The following ACYP2 variants were observed in gnomAD, a reference collection of about 807,000 sequenced individuals.
The protein encoded by ACYP2 is acylphosphatase-2.
ACYP2 carries 12 observed loss-of-function variants against 11.2 expected under a neutral mutation model. The observed-to-expected ratio is 1.08, with a 90% CI of 0.69 to 1.74. The LOEUF (loss-of-function observed/expected upper bound fraction) is 1.74, where lower values mean the gene tolerates loss of function less well. Among genes scored for constraint, ACYP2 ranks in the 40% most tolerant of loss-of-function variants. The pLI, the probability that ACYP2 is intolerant of heterozygous loss-of-function variation, is 0.00. For synonymous variants in ACYP2, 43 were observed against 32.2 expected (o/e 1.33, Z -1.13); for missense variants, 134 against 101.9 (o/e 1.31, Z -1.35).
chr2:54,206,164 C>T (rs1685063367), intron 6 of ACYP2, among the ~76,000 whole-genome samples: 1 of 152,180 alleles, frequency 6.6e-6, no homozygotes, highest in African/African-American at 2.4e-5. Context: ...ATACCTGAAA[C>T]TTTCCATATT....
At chr2:54,165,533 TCTCACACA>T (rs1199574412) in intron 6 of ACYP2, among the ~76,000 whole-genome samples, 41 of 123,740 alleles carry the variant, frequency 3.3e-4, no homozygotes, top group African/African-American at 1.3e-3. Context: ...TCTCTCTCTC[TCTCACACA>T]CACACACACA....
intron 4 of ACYP2, among the ~76,000 whole-genome samples, chr2:54,134,220 G>A (rs1400806832): frequency 6.6e-6 from 1 of 152,120 alleles, no homozygotes; most frequent in Admixed American, 6.6e-5. Context: ...TTGAGCCCAG[G>A]AGTTTGAGGG....
intron 6 of ACYP2, among the ~76,000 whole-genome samples, chr2:54,271,075 T>G (rs12465259): frequency 2.0e-5 from 3 of 152,186 alleles, no homozygotes; most frequent in Non-Finnish European, 2.9e-5. Flanking sequence ...TCACAGGTGG[T>G]GCTCCTTGCT....
intron 2 of ACYP2, among the ~76,000 whole-genome samples, chr2:53,974,306 G>A (rs1573419160): frequency 1.3e-5 from 2 of 152,188 alleles, no homozygotes; most frequent in Non-Finnish European, 2.9e-5. Flanking sequence ...GGAAGAGAAT[G>A]TGGAGTCATT....
intron 2 of ACYP2, among the ~76,000 whole-genome samples, chr2:54,037,643 A>G (rs1558486749): frequency 6.6e-6 from 1 of 152,152 alleles, no homozygotes; most frequent in Non-Finnish European, 1.5e-5. Flanking sequence ...CTTGGCCTCA[A>G]GTGATCCTCC....
chr2:54,208,345 T>C (rs1685169180), intron 6 of ACYP2, among the ~76,000 whole-genome samples: 1 of 152,234 alleles, frequency 6.6e-6, no homozygotes, highest in Non-Finnish European at 1.5e-5. Context: ...TAATTTTTAC[T>C]TTCTGTGGGA....
intron 3 of ACYP2, among the ~76,000 whole-genome samples, chr2:54,055,518 A>G (rs1190729367): frequency 6.6e-6 from 1 of 152,214 alleles, no homozygotes; most frequent in African/African-American, 2.4e-5. Flanking sequence ...TCCTACAAAA[A>G]TCCTTGTGAG....
chr2:54,246,632 A>G (rs1291987235), intron 6 of ACYP2, among the ~76,000 whole-genome samples: 2 of 152,082 alleles, frequency 1.3e-5, no homozygotes, highest in African/African-American at 2.4e-5. Flanking sequence ...GGTTTTCTAT[A>G]TTCATCAGAA....
intron 2 of ACYP2, among the ~76,000 whole-genome samples, chr2:54,036,420 ACACT>A (rs376939083): frequency 1.7e-3 from 253 of 152,328 alleles, no homozygotes; most frequent in African/African-American, 5.8e-3. Flanking sequence ...ATGTAAAGTA[ACACT>A]CACAGTTTCT....
At chr2:53,995,998 G>A (rs1244349664) in intron 2 of ACYP2, among the ~76,000 whole-genome samples, 3 of 152,024 alleles carry the variant, frequency 2.0e-5, no homozygotes, top group Non-Finnish European at 2.9e-5. Context: ...GCTGGGCTTG[G>A]TGGTGGATGT....
intron 4 of ACYP2, among the ~76,000 whole-genome samples, chr2:54,072,701 T>A (rs1677129614): frequency 6.6e-6 from 1 of 151,942 alleles, no homozygotes; most frequent in Non-Finnish European, 1.5e-5. Flanking sequence ...TAGCTGGGAC[T>A]ACAGGCACGT....
At chr2:54,288,374 G>A (rs764548251) in intron 6 of ACYP2, among the ~76,000 whole-genome samples, 1 of 151,936 alleles carries the variant, frequency 6.6e-6, no homozygotes, top group Non-Finnish European at 1.5e-5. Context: ...AAAGCAGTGG[G>A]TGGTGTAGTT....
intron 6 of ACYP2, among the ~76,000 whole-genome samples, chr2:54,235,088 T>G (rs1686413205): frequency 1.3e-5 from 2 of 152,186 alleles, no homozygotes; most frequent in East Asian, 1.9e-4. Context: ...ACCCCTATTA[T>G]TTCTGTATTT....
At chr2:54,286,875 A>AT (rs1255265767) in intron 6 of ACYP2, among the ~76,000 whole-genome samples, 1 of 152,022 alleles carries the variant, frequency 6.6e-6, no homozygotes, top group African/African-American at 2.4e-5. Context: ...AATATCTAGA[A>AT]TTTTTTAACT....
rs1201643518 is a variant in ACYP2, at chr2:54,273,974, T to C, written c.405-30714T>C. ...GAGCTTCTCAAAAACCACCATTATA[T>C]TGAGACTATAAAATTGTTCTTTAGG... On this transcript the variant is annotated intron_variant, in intron 6 of 6. Transcript: ENST00000607452. Among the ~76,000 whole-genome samples the C allele has an allele frequency of 3.3e-5, 5 of 152,328 alleles. No individual in the cohort carries two copies. The East Asian group carries it at 5.8e-4, about 18-fold the overall frequency.
intron 6 of ACYP2, among the ~76,000 whole-genome samples, chr2:54,265,288 C>T (rs926879160): frequency 1.3e-5 from 2 of 152,144 alleles, no homozygotes; most frequent in Non-Finnish European, 2.9e-5. Context: ...ACATGGATGG[C>T]AGCAGGCAAA....
At chr2:54,077,284 T>C (rs1228010877) in intron 4 of ACYP2, among the ~76,000 whole-genome samples, 1 of 152,168 alleles carries the variant, frequency 6.6e-6, no homozygotes, top group African/African-American at 2.4e-5. Context: ...AAAAGACCTT[T>C]GTTTGTGACT....
At chr2:54,290,525 C>T (rs1189829599) in intron 6 of ACYP2, among the ~76,000 whole-genome samples, 1 of 150,056 alleles carries the variant, frequency 6.7e-6, no homozygotes, top group East Asian at 1.9e-4. Context: ...AGAGCATGTA[C>T]ATTTAAAAGT....
chr2:54,065,464 A>G, intron 4 of ACYP2: 1 of 398,654 alleles, frequency 2.5e-6, no homozygotes, highest in Non-Finnish European at 4.4e-6. Flanking sequence ...CTTTAGATCC[A>G]GACTCTGAAT....
Sources: gnomAD v4.1 joint callset for allele counts (sites outside exome capture counted in the v4.1 genomes callset) on GRCh38, gnomAD v4.1.1 for gene constraint, MANE v1.5 for transcripts, NCBI Gene and HGNC (gene_info 2026-07-23, HGNC 2026-07-21) for gene names.